KIAA1958: variants seen among roughly 807,000 people sequenced by gnomAD.
KIAA1958 encodes KIAA1958.
In KIAA1958, 14 loss-of-function variants were observed where a neutral mutation model predicts 47.2. The ratio of observed to expected loss-of-function variants is 0.30; its 90% CI spans 0.20 to 0.46. KIAA1958 has a LOEUF of 0.46. Ranked by LOEUF, KIAA1958 falls within the 20% of genes least tolerant of loss-of-function variation. The pLI, the probability that KIAA1958 is intolerant of heterozygous loss-of-function variation, is 1.00. For synonymous variants in KIAA1958, 354 were observed against 353.3 expected (o/e 1.00, Z -0.02); for missense variants, 803 against 909.2 (o/e 0.88, Z 1.50).
intron 2 of KIAA1958, among the ~76,000 whole-genome samples, chr9:112,632,898 T>C (rs1271607264): frequency 1.5e-5 from 2 of 134,736 alleles, no homozygotes; most frequent in African/African-American, 2.8e-5. Context: ...GTCTTCTTTA[T>C]GGAAACAGCC....
At chr9:112,655,632 G>A (rs780414677) in intron 3 of KIAA1958, among the ~76,000 whole-genome samples, 1 of 152,224 alleles carries the variant, frequency 6.6e-6, no homozygotes, top group African/African-American at 2.4e-5. Flanking sequence ...TGGGTAAATA[G>A]CCAAGGCTAG....
intron 2 of KIAA1958, among the ~76,000 whole-genome samples, chr9:112,635,513 AACTGTTGGGATT>A (rs777244348): frequency 6.6e-6 from 1 of 151,972 alleles, no homozygotes; most frequent in Non-Finnish European, 1.5e-5. Flanking sequence ...TGGCCTCCCA[AACTGTTGGGATT>A]ACAGGCGTGA....
Position 112,574,051 on chromosome 9 carries a change from C to A in KIAA1958, c.-24-6C>A. ...ATGGCTTCTTCTTTTGATTATTTCC[C>A]TTTAGGAGTGACACTGCTGATCCTG... On this transcript the variant is annotated splice_polypyrimidine_tract_variant and splice_region_variant and intron_variant, in intron 1 of 3. Transcript: ENST00000337530. The A allele has an allele frequency of 7.1e-7, 1 of 1,414,446 alleles. No individual in the cohort carries two copies. The highest frequency in any genetic ancestry group is 9.7e-7 in the Non-Finnish European group (1 of 1,031,622). 87.6% of individuals were successfully genotyped at this position (1,414,446 alleles called of 1,614,324 possible).
chr9:112,581,778 T>C, intron 2 of KIAA1958: 2 of 222,996 alleles, frequency 9.0e-6, no homozygotes, highest in Non-Finnish European at 1.9e-5. Flanking sequence ...ACAATCCTGT[T>C]AGGAACTGGA....
At chr9:112,594,714 A>G (rs1477359002) in intron 2 of KIAA1958, among the ~76,000 whole-genome samples, 5 of 152,180 alleles carry the variant, frequency 3.3e-5, no homozygotes, top group African/African-American at 1.2e-4. Flanking sequence ...TCTTGGGTGG[A>G]TAGGTTTTTC....
chr9:112,487,484 C>G (rs550592354), intron 1 of KIAA1958, among the ~76,000 whole-genome samples: 1 of 152,176 alleles, frequency 6.6e-6, no homozygotes, highest in African/African-American at 2.4e-5. Context: ...TTGGGTCTGT[C>G]GGAGGTGGGA....
chr9:112,499,907 C>G (rs1172359401), intron 1 of KIAA1958, among the ~76,000 whole-genome samples: 1 of 151,822 alleles, frequency 6.6e-6, no homozygotes, highest in Non-Finnish European at 1.5e-5. Context: ...CCAGGATGGT[C>G]TCTATCTCCT....
At chr9:112,556,749 A>T (rs559657646) in intron 1 of KIAA1958, among the ~76,000 whole-genome samples, 2 of 152,184 alleles carry the variant, frequency 1.3e-5, no homozygotes, top group Non-Finnish European at 2.9e-5. Flanking sequence ...GGAGTGTTGC[A>T]GTTGGATTGT....
chr9:112,600,093 A>T (rs780401824), intron 2 of KIAA1958, among the ~76,000 whole-genome samples: 44 of 152,196 alleles, frequency 2.9e-4, no homozygotes, highest in Non-Finnish European at 5.9e-4. Context: ...TATTGTGATT[A>T]ATATAGTACA....
At chr9:112,521,209 G>T (rs1834537631) in intron 1 of KIAA1958, among the ~76,000 whole-genome samples, 1 of 151,978 alleles carries the variant, frequency 6.6e-6, no homozygotes, top group Non-Finnish European at 1.5e-5. Context: ...TGTTGTTGTT[G>T]TTGTTGTTGT....
chr9:112,600,065 C>T (rs1391599295), intron 2 of KIAA1958, among the ~76,000 whole-genome samples: 7 of 152,114 alleles, frequency 4.6e-5, no homozygotes, highest in Admixed American at 1.3e-4. Context: ...ATATTTTGGC[C>T]GAGACGAAAG....
chr9:112,581,976 G>A, intron 2 of KIAA1958: 2 of 254,430 alleles, frequency 7.9e-6, no homozygotes, highest in Non-Finnish European at 1.6e-5. Flanking sequence ...CACTGTCAGA[G>A]CCACATACCC....
At position 112,659,534 on chromosome 9, in the gene KIAA1958, A is replaced by T; in HGVS notation, c.1616A>T (p.Glu539Val). Residue 539 changes from glutamate to valine, a missense_variant, in exon 4 of 4, where the codon GAG (glutamate) becomes GTG (valine). Around this residue, in one of 2 missense-constraint regions of KIAA1958, gnomAD observed 761 missense variants for 829.3 expected, o/e 0.92. Transcript: ENST00000337530. Reference protein sequence around the residue: ...NIVYFSLSDEEEMWQAGCLGD... With the variant: ...NIVYFSLSDEVEMWQAGCLGD... ...GTCTACTTCTCCCTTTCTGACGAGG[A>T]GGAGATGTGGCAGGCAGGGTGTCTG... is the stretch of plus-strand genomic sequence containing the variant. 3 of 1,613,250 alleles carry T rather than the reference A, an allele frequency of 1.9e-6. No individual in the cohort carries two copies. The highest frequency in any genetic ancestry group is 2.5e-6 in the Non-Finnish European group (3 of 1,179,630).
intron 1 of KIAA1958, among the ~76,000 whole-genome samples, chr9:112,571,022 A>G (rs1430561001): frequency 6.6e-6 from 1 of 152,234 alleles, no homozygotes; most frequent in African/African-American, 2.4e-5. Context: ...GCTCTCAGAG[A>G]GAGAACAATT....
intron 1 of KIAA1958, among the ~76,000 whole-genome samples, chr9:112,500,478 T>C (rs999459333): frequency 4.6e-5 from 7 of 150,794 alleles, no homozygotes; most frequent in African/African-American, 1.5e-4. Flanking sequence ...TTTTTAGAGA[T>C]AAGGTGTCAC....
chr9:112,633,253 C>T (rs555373667), intron 2 of KIAA1958, among the ~76,000 whole-genome samples: 143 of 150,444 alleles, frequency 9.5e-4, no homozygotes, highest in African/African-American at 3.4e-3. Flanking sequence ...TTGAAATTGC[C>T]TTCCTTTTCT....
At chr9:112,610,228 A>G (rs1836302973) in intron 2 of KIAA1958, among the ~76,000 whole-genome samples, 1 of 152,020 alleles carries the variant, frequency 6.6e-6, no homozygotes, top group Admixed American at 6.5e-5. Flanking sequence ...CAGATAACCC[A>G]GTACTCAGAG....
intron 1 of KIAA1958, among the ~76,000 whole-genome samples, chr9:112,523,099 C>G (rs57738957): frequency 6.6e-6 from 1 of 152,168 alleles, no homozygotes; most frequent in Non-Finnish European, 1.5e-5. Flanking sequence ...CACAGCCACC[C>G]CTCAGAAATG....
At chr9:112,557,497 A>C (rs1371697782) in intron 1 of KIAA1958, among the ~76,000 whole-genome samples, 1 of 152,242 alleles carries the variant, frequency 6.6e-6, no homozygotes, top group Admixed American at 6.5e-5. Flanking sequence ...AGGCCTCAGC[A>C]GCCAGGAAGA....
Sources: allele counts gnomAD v4.1 joint callset (sites outside exome capture counted in the v4.1 genomes callset), GRCh38; gene constraint gnomAD v4.1.1; regional missense constraint gnomAD v4.1.1; transcripts MANE v1.5; gene names NCBI Gene and HGNC (gene_info 2026-07-23, HGNC 2026-07-21).